Variants in ADCY5 observed in about 807,000 individuals in gnomAD.
The protein encoded by ADCY5 is adenylate cyclase 5.
A neutral mutation model predicts 119.7 loss-of-function variants in ADCY5; 30 were observed. That is an observed-to-expected ratio of 0.25 (90% CI 0.19 to 0.34). The LOEUF (loss-of-function observed/expected upper bound fraction) is 0.34, where lower values mean the gene tolerates loss of function less well. Among genes scored for constraint, ADCY5 ranks in the 10% least tolerant of loss-of-function variants. The pLI, the probability that ADCY5 is intolerant of heterozygous loss-of-function variation, is 1.00. For missense variants in ADCY5, 1,324 were observed against 1,775.2 expected, an observed-to-expected ratio of 0.75 and a Z score of 4.57; for synonymous variants, 753 against 762.2, an observed-to-expected ratio of 0.99 and a Z score of 0.20.
At chr3:123,325,124 G>A (rs544962821) in intron 8 of ADCY5, among the ~76,000 whole-genome samples, 198 bp downstream of exon 8, 4 of 152,358 alleles carry the variant, frequency 2.6e-5, no homozygotes, top group South Asian at 2.1e-4. Context: ...GGCATGCCAC[G>A]GGGTGGTGGG....
intron 1 of ADCY5, among the ~76,000 whole-genome samples, chr3:123,397,276 G>A (rs1340616596): frequency 6.6e-6 from 1 of 152,158 alleles, no homozygotes; most frequent in African/African-American, 2.4e-5. Context: ...CCCACTTCAA[G>A]CAGGAGTCCT....
At chr3:123,294,208 T>C (rs1576530638) in intron 17 of ADCY5, among the ~76,000 whole-genome samples, 1 of 152,182 alleles carries the variant, frequency 6.6e-6, no homozygotes, top group African/African-American at 2.4e-5. Flanking sequence ...TGCAGTAGAA[T>C]GCCAACCAGC....
chr3:123,284,676 C>G lies in ADCY5; in HGVS notation c.3718G>C (p.Val1240Leu). The G allele has an allele frequency of 1.2e-6, 2 of 1,614,224 alleles. No individual in the cohort carries two copies. The highest frequency in any genetic ancestry group is 1.7e-6 in the Non-Finnish European group (2 of 1,180,034). The change falls in exon 21 of 21, where the codon GTG becomes CTG. Residue 1240 changes from valine (V) to leucine (L), a missense_variant. Physicochemically the swap from Val to Leu is conservative, Grantham distance 32. Coordinates refer to ENST00000462833, the MANE Select transcript of ADCY5 (RefSeq NM_183357.3). The stretch of plus-strand genomic sequence containing the variant: ...TCGCCTTTGCCCTTGACCTTGACCA[C>G]GCCCCGGCACTCCAGCTGGTACGTG... ...ANTYQLECRG[V>L]VKVKGKGEMM...
At chr3:123,368,081 A>G (rs775055819) in intron 1 of ADCY5, 180 of 1,424,060 alleles carry the variant, frequency 1.3e-4, no homozygotes, top group Non-Finnish European at 4.4e-5. Context: ...CAGTGAGAGG[A>G]GTGCTATGCT....
In ADCY5 at chr3:123,321,052, T is replaced by C. The variant is rs79990979; in HGVS notation, c.2089-281A>G. On this transcript the variant is annotated intron_variant, in intron 8 of 20. Transcript: ENST00000462833. ...TGTGTCTAAGCTCTTCCTGCCCCCATGCTCAACTCCTTTCCTAAATCTCTC... is the reference window on the plus strand; with the variant it reads ...TGTGTCTAAGCTCTTCCTGCCCCCACGCTCAACTCCTTTCCTAAATCTCTC... 0.011 allele frequency among the ~76,000 whole-genome samples: 1,731 copies of C among 152,278 alleles called. 40 individuals carry two copies. The highest frequency in any genetic ancestry group is 0.034 in the African/African-American group (1,431 of 41,546).
intron 1 of ADCY5, among the ~76,000 whole-genome samples, chr3:123,428,880 G>T (rs1363174419): frequency 6.6e-6 from 1 of 152,302 alleles, no homozygotes; most frequent in Non-Finnish European, 1.5e-5. Context: ...GCACACCTAC[G>T]TTTGTGAGCT....
At chr3:123,329,649 TGG>T (rs1941666514) in intron 5 of ADCY5, among the ~76,000 whole-genome samples, 1 of 152,028 alleles carries the variant, frequency 6.6e-6, no homozygotes. Context: ...CCCTAACACC[TGG>T]GGCATGGGCG....
intron 1 of ADCY5, chr3:123,404,546 C>T (rs1944853042): frequency 1.3e-5 from 2 of 152,480 alleles, no homozygotes. Context: ...TTCTGCCTTG[C>T]CCCATCTTTC....
chr3:123,383,465 T>C (rs1435507078), intron 1 of ADCY5, among the ~76,000 whole-genome samples: 1 of 152,136 alleles, frequency 6.6e-6, no homozygotes, highest in Non-Finnish European at 1.5e-5. Context: ...AGGGGTAAGA[T>C]TCTTCTGATC....
intron 12 of ADCY5, among the ~76,000 whole-genome samples, chr3:123,306,486 G>A (rs569101948): frequency 6.6e-6 from 1 of 152,262 alleles, no homozygotes; most frequent in African/African-American, 2.4e-5. Context: ...GTTTCTTAGA[G>A]GTGACACCAA....
chr3:123,447,294 C>T, intron 1 of ADCY5, 118 bp downstream of exon 1: 1 of 1,195,264 alleles, frequency 8.4e-7, no homozygotes, highest in South Asian at 1.7e-5. Flanking sequence ...ATGGCCGAGC[C>T]CTGTCTCTCT....
At chr3:123,330,030 C>T (rs753806284) in intron 5 of ADCY5, among the ~76,000 whole-genome samples, 27 of 152,234 alleles carry the variant, frequency 1.8e-4, no homozygotes, top group South Asian at 2.1e-4. Flanking sequence ...CTTACCTCGC[C>T]GTGTCCACAT....
At chr3:123,300,071 C>T in intron 15 of ADCY5, 49 bp downstream of exon 15, 1 of 1,593,516 alleles carries the variant, frequency 6.3e-7, no homozygotes, top group Non-Finnish European at 8.6e-7. Context: ...TTGCCACCTC[C>T]CTGCAATGTC....
At chr3:123,344,099 C>T (rs946330529) in intron 3 of ADCY5, among the ~76,000 whole-genome samples, 3 of 152,188 alleles carry the variant, frequency 2.0e-5, no homozygotes, top group African/African-American at 4.8e-5. Flanking sequence ...CAGTGGTGGC[C>T]CCTGCCTGAC....
intron 3 of ADCY5, among the ~76,000 whole-genome samples, chr3:123,345,769 G>GATACACAGACACACACACACAC: frequency 8.8e-6 from 1 of 113,836 alleles, no homozygotes; most frequent in East Asian, 2.4e-4. Flanking sequence ...CAGACAGACA[G>GATACACAGACACACACACACAC]ACACACACAC....
chr3:123,385,886 C>T (rs1944204482), intron 1 of ADCY5, among the ~76,000 whole-genome samples: 2 of 152,214 alleles, frequency 1.3e-5, no homozygotes, highest in African/African-American at 2.4e-5. Context: ...GAATCATCGT[C>T]ACCACCATCA....
At chr3:123,346,664 TGAGA>T (rs1293408293) in intron 3 of ADCY5, among the ~76,000 whole-genome samples, 14 of 147,762 alleles carry the variant, frequency 9.5e-5, no homozygotes, top group African/African-American at 2.6e-4. Context: ...TGTGTGTGTG[TGAGA>T]GAGAGAGATA....
intron 8 of ADCY5, among the ~76,000 whole-genome samples, chr3:123,324,207 C>G (rs4677882): frequency 0.19 from 28,832 of 152,066 alleles, 3,219 homozygotes; most frequent in East Asian, 0.56. Flanking sequence ...TGTTGGCTAA[C>G]AAGGAGCAGA....
At chr3:123,347,128 T>A (rs888432353) in intron 3 of ADCY5, among the ~76,000 whole-genome samples, 10 of 152,138 alleles carry the variant, frequency 6.6e-5, no homozygotes, top group Non-Finnish European at 1.3e-4. Context: ...TTTTTCTTTC[T>A]CCATGACTGG....
Sources: gnomAD v4.1 joint callset for allele counts (sites outside exome capture counted in the v4.1 genomes callset) on GRCh38, gnomAD v4.1.1 for gene constraint, MANE v1.5 for transcripts, NCBI Gene and HGNC (gene_info 2026-07-23, HGNC 2026-07-21) for gene names.